DYRK1A: variants seen among roughly 807,000 people sequenced by gnomAD.
The protein encoded by DYRK1A is dual specificity tyrosine phosphorylation regulated kinase 1A.
DYRK1A carries 9 observed loss-of-function variants against 79.7 expected under a neutral mutation model. The observed-to-expected ratio is 0.11, with a 90% confidence interval of 0.07 to 0.20. The LOEUF (loss-of-function observed/expected upper bound fraction) is 0.20, where lower values mean the gene tolerates loss of function less well. Ranked by LOEUF, DYRK1A falls within the 10% of genes least tolerant of loss-of-function variation. The pLI is 1.00. For synonymous variants in DYRK1A, 349 were observed against 329.7 expected (o/e 1.06, Z -0.63); for missense variants, 622 against 956.0 (o/e 0.65, Z 4.61).
chr21:37,496,528 A>G (rs2053274750), intron 9 of DYRK1A, among the ~76,000 whole-genome samples: 2 of 152,240 alleles, frequency 1.3e-5, no homozygotes, highest in African/African-American at 2.4e-5. Flanking sequence ...TCACATCACC[A>G]TACTTGGTTT....
In DYRK1A at chr21:37,516,708, T is replaced by C. The variant is rs2053884119; in HGVS notation, c.*4177T>C. ...ATCGCTTGGTGTGTTTGGCTCTCTT[T>C]GGCATTATGCATAGCCAAGGTCCCA... On this transcript the variant is annotated 3_prime_UTR_variant, in exon 12 of 12. Transcript: ENST00000647188. 1 of 152,180 alleles carries C rather than the reference T, an allele frequency of 6.6e-6. No homozygotes were observed. The highest frequency in any genetic ancestry group is 2.4e-5 in the African/African-American group (1 of 41,446). 9.4% of individuals were successfully genotyped at this position (152,180 alleles called of 1,614,324 possible).
chr21:37,404,314 C>A (rs2050110492), intron 1 of DYRK1A, among the ~76,000 whole-genome samples: 1 of 152,194 alleles, frequency 6.6e-6, no homozygotes, highest in Non-Finnish European at 1.5e-5. Flanking sequence ...TTAACTATCA[C>A]AAGGTGTTAA....
chr21:37,400,228 T>C (rs2050028442), intron 1 of DYRK1A, among the ~76,000 whole-genome samples: 1 of 152,186 alleles, frequency 6.6e-6, no homozygotes, highest in Non-Finnish European at 1.5e-5. Context: ...CCTCCCTCTC[T>C]CAACATTTGT....
Position 37,519,736 on chromosome 21 carries a change from G to GTGTTTTTTTTT in DYRK1A, c.*7206_*7207insGTTTTTTTTTT, listed in dbSNP as rs1329924530. On this transcript the variant is annotated 3_prime_UTR_variant, in exon 12 of 12. Transcript: ENST00000647188. ...AGAGTTTTGAGGTTTGTTGTGGGAA[G>GTGTTTTTTTTT]TTTTTTTTTTTTTTTTTTTTTTTGA... is the stretch of plus-strand genomic sequence containing the variant. 4 of 85,802 alleles carry GTGTTTTTTTTT rather than the reference G, an allele frequency of 4.7e-5. No homozygotes were observed. The highest frequency in any genetic ancestry group is 1.9e-4 in the African/African-American group (4 of 20,580). The allele number at this position is 85,802 out of a possible 1,614,324, so 5.3% of individuals were successfully genotyped here. A position where few individuals can be genotyped will look rare whatever the true frequency, so the allele number is the denominator to read the frequency against.
intron 1 of DYRK1A, among the ~76,000 whole-genome samples, chr21:37,401,061 T>G (rs1447888617): frequency 6.6e-6 from 1 of 152,086 alleles, no homozygotes; most frequent in African/African-American, 2.4e-5. Flanking sequence ...GGAGAATTGC[T>G]TGAAGCCGAG....
At chr21:37,435,686 TGTA>T (rs934306956) in intron 2 of DYRK1A, among the ~76,000 whole-genome samples, 3 of 152,180 alleles carry the variant, frequency 2.0e-5, no homozygotes, top group African/African-American at 4.8e-5. Flanking sequence ...ACAGTACCCT[TGTA>T]GTAAGTAGCA....
chr21:37,439,504 G>A (rs986921603), intron 2 of DYRK1A, among the ~76,000 whole-genome samples: 7 of 152,124 alleles, frequency 4.6e-5, no homozygotes, highest in South Asian at 2.1e-4. Context: ...GAACTGGGCC[G>A]CACAGCAGGA....
chr21:37,477,520 C>T (rs951973079), intron 3 of DYRK1A, among the ~76,000 whole-genome samples: 1 of 152,208 alleles, frequency 6.6e-6, no homozygotes, highest in African/African-American at 2.4e-5. Flanking sequence ...GCTGTGGAAA[C>T]GGTCTAGCAG....
chr21:37,378,411 A>G (rs1324923476), intron 1 of DYRK1A, among the ~76,000 whole-genome samples: 3 of 152,212 alleles, frequency 2.0e-5, no homozygotes, highest in Non-Finnish European at 2.9e-5. Context: ...ACATGCCTGT[A>G]ATCCCAGCTA....
intron 2 of DYRK1A, among the ~76,000 whole-genome samples, chr21:37,437,160 T>C (rs909401033): frequency 6.6e-6 from 1 of 152,214 alleles, no homozygotes; most frequent in Non-Finnish European, 1.5e-5. Context: ...AAGTGGTGGA[T>C]AGTATAGACT....
At chr21:37,410,287 T>C (rs570380294) in intron 1 of DYRK1A, among the ~76,000 whole-genome samples, 84 of 152,306 alleles carry the variant, frequency 5.5e-4, no homozygotes, top group African/African-American at 1.9e-3. Context: ...GAGTGTTTTG[T>C]AGGCTGTGTA....
At chr21:37,470,930 T>C (rs2052200837) in intron 2 of DYRK1A, among the ~76,000 whole-genome samples, 1 of 152,220 alleles carries the variant, frequency 6.6e-6, no homozygotes, top group African/African-American at 2.4e-5. Flanking sequence ...TCACCACAGT[T>C]GTACTATCCT....
intron 1 of DYRK1A, among the ~76,000 whole-genome samples, chr21:37,373,526 C>T (rs1192353298): frequency 6.6e-6 from 1 of 152,176 alleles, no homozygotes. Context: ...TATAACTTAT[C>T]TAAGGCTGAT....
At chr21:37,474,714 T>C (rs1473586376) in intron 3 of DYRK1A, among the ~76,000 whole-genome samples, 1 of 152,244 alleles carries the variant, frequency 6.6e-6, no homozygotes, top group African/African-American at 2.4e-5. Context: ...CATTATTTAA[T>C]TTTCATTGTT....
In DYRK1A at chr21:37,492,757, T is replaced by A. The variant is rs929877593; in HGVS notation, c.925-260T>A. 2.0e-5 allele frequency among the ~76,000 whole-genome samples: 3 copies of A among 151,940 alleles called. No homozygotes were observed. In the South Asian group the frequency reaches 6.2e-4, roughly 31 times the overall value. On this transcript the variant is annotated intron_variant, in intron 7 of 11. Coordinates refer to ENST00000647188, the MANE Select transcript of DYRK1A (RefSeq NM_001347721.2). ...TGAGGCATAATTGTTTTAAGAAATA[T>A]CATGATGACTAGGTAGGATTAGACT...
In DYRK1A at chr21:37,461,997, G is replaced by A. The variant is rs1400991600; in HGVS notation, c.11-10687G>A. Among the ~76,000 whole-genome samples the A allele has an allele frequency of 1.0e-4, 15 of 149,914 alleles. No individual in the cohort carries two copies. The East Asian group carries it at 2.6e-3, about 26-fold the overall frequency. On this transcript the variant is annotated intron_variant, in intron 2 of 11. Transcript: ENST00000647188. ...GTGAATTTTTCATTTGAGTTATTTTGTTTCTCATTTTTAGAATTTCCATTT... is the reference window on the plus strand; with the variant it reads ...GTGAATTTTTCATTTGAGTTATTTTATTTCTCATTTTTAGAATTTCCATTT...
intron 1 of DYRK1A, among the ~76,000 whole-genome samples, chr21:37,383,837 A>ATGTG (rs112549944): frequency 0.19 from 28,873 of 148,368 alleles, 3,462 homozygotes; most frequent in African/African-American, 0.36. Flanking sequence ...GTAATGGTGT[A>ATGTG]TGTGTGTGTG....
intron 11 of DYRK1A, among the ~76,000 whole-genome samples, chr21:37,506,929 A>C (rs1416872540): frequency 6.6e-6 from 1 of 152,094 alleles, no homozygotes; most frequent in Non-Finnish European, 1.5e-5. Context: ...GTGCTGGAGA[A>C]AATCCCACAT....
intron 1 of DYRK1A, among the ~76,000 whole-genome samples, chr21:37,393,924 C>CA (rs2049914448): frequency 6.6e-6 from 1 of 152,150 alleles, no homozygotes; most frequent in Non-Finnish European, 1.5e-5. Flanking sequence ...TTGAGGCTGC[C>CA]AGGCCTTCTT....
Sources: allele counts gnomAD v4.1 joint callset (sites outside exome capture counted in the v4.1 genomes callset), GRCh38; gene constraint gnomAD v4.1.1; transcripts MANE v1.5; gene names NCBI Gene and HGNC (gene_info 2026-07-23, HGNC 2026-07-21).